Variants in NUAK1 observed in about 807,000 individuals in gnomAD.
NUAK1 encodes the protein NUAK family SNF1-like kinase 1.
Under a neutral mutation model 56.9 loss-of-function variants are expected in NUAK1, and 26 were observed. That is an observed-to-expected ratio of 0.46 (90% CI 0.33 to 0.63). The LOEUF (loss-of-function observed/expected upper bound fraction) is 0.63, where lower values mean the gene tolerates loss of function less well. NUAK1 is among the 30% of genes least tolerant of loss of function. The probability of loss-of-function intolerance (pLI) is 0.02; values close to 1 mark genes in which losing one functional copy is unlikely to be tolerated. For missense variants in NUAK1, 727 were observed against 876.1 expected, an observed-to-expected ratio of 0.83 and a Z score of 2.15; for synonymous variants, 337 against 336.0, an observed-to-expected ratio of 1.00 and a Z score of -0.03.
intron 2 of NUAK1, among the ~76,000 whole-genome samples, chr12:106,105,432 T>C (rs1311909869): frequency 6.6e-6 from 1 of 152,150 alleles, no homozygotes; most frequent in African/African-American, 2.4e-5. Flanking sequence ...CTTAAGTGTT[T>C]GGCAAAAGAA....
intron 2 of NUAK1, among the ~76,000 whole-genome samples, chr12:106,105,010 G>A (rs973773022): frequency 1.3e-5 from 2 of 150,810 alleles, no homozygotes; most frequent in African/African-American, 4.9e-5. Flanking sequence ...CTGGAATGCA[G>A]TGGCACGATC....
chr12:106,131,394 T>C (rs2033078386), intron 1 of NUAK1, among the ~76,000 whole-genome samples: 1 of 152,200 alleles, frequency 6.6e-6, no homozygotes, highest in Non-Finnish European at 1.5e-5. Context: ...GCTGTCTCTA[T>C]GGATTTGTCT....
chr12:106,068,010 T>C, intron 6 of NUAK1, 55 bp from the exon 7 acceptor site: 1 of 1,526,370 alleles, frequency 6.6e-7, no homozygotes, highest in Non-Finnish European at 8.9e-7. Context: ...TCTGGCTTTG[T>C]GATAGTGGGA....
At chr12:106,079,019 T>G (rs2032489692) in intron 4 of NUAK1, among the ~76,000 whole-genome samples, 1 of 152,188 alleles carries the variant, frequency 6.6e-6, no homozygotes, top group Non-Finnish European at 1.5e-5. Context: ...CAAATTTGGA[T>G]AGTAAGAGTA....
intron 4 of NUAK1, among the ~76,000 whole-genome samples, chr12:106,081,794 C>A (rs1203345420): frequency 6.6e-6 from 1 of 152,238 alleles, no homozygotes; most frequent in Non-Finnish European, 1.5e-5. Context: ...TAGAACCCAA[C>A]CCCTAGGCAA....
At chr12:106,127,833 G>A (rs577251152) in intron 1 of NUAK1, among the ~76,000 whole-genome samples, 2 of 152,224 alleles carry the variant, frequency 1.3e-5, no homozygotes, top group South Asian at 4.1e-4. Context: ...TGAAGCAAGT[G>A]TGCTCGACAC....
intron 1 of NUAK1, among the ~76,000 whole-genome samples, chr12:106,108,504 C>T (rs545938617): frequency 1.3e-3 from 202 of 152,124 alleles, no homozygotes; most frequent in African/African-American, 4.6e-3. Flanking sequence ...AACTTCCCTT[C>T]ACTTACGTCA....
chr12:106,127,154 G>C lies in NUAK1; in HGVS notation c.240+11260C>G, dbSNP rs1023884143. Among the ~76,000 whole-genome samples, 26 of 152,066 alleles carry C rather than the reference G, an allele frequency of 1.7e-4. No individual in the cohort carries two copies. In the South Asian group the frequency reaches 2.9e-3, roughly 17 times the overall value. ...GAAAACTGAGAGGTTCTTTGAGGATGAGCATTTTCTTTTTATTTTCTTTTA... is the reference window on the plus strand; with the variant it reads ...GAAAACTGAGAGGTTCTTTGAGGATCAGCATTTTCTTTTTATTTTCTTTTA... On this transcript the variant is annotated intron_variant, in intron 1 of 6. Transcript: ENST00000261402.
chr12:106,109,586 A>C (rs1335025117), intron 1 of NUAK1, among the ~76,000 whole-genome samples: 1 of 151,842 alleles, frequency 6.6e-6, no homozygotes, highest in African/African-American at 2.4e-5. Context: ...AAAATCTCTA[A>C]CGCAGCTCCT....
rs1440281975 is a variant in NUAK1, at chr12:106,070,839, A to C, written c.767T>G (p.Phe256Cys). The change falls in exon 6 of 7, where the codon TTC (phenylalanine) becomes TGC (cysteine). Residue 256 changes from phenylalanine (F) to cysteine (C), a missense_variant. Physicochemically the swap from Phe to Cys is radical, Grantham distance 205 (BLOSUM62 -2). Transcript: ENST00000261402. Reference protein sequence around the residue: ...LVYGTMPFDGFDHKNLIRQIS... With the variant: ...LVYGTMPFDGCDHKNLIRQIS... ...TTGCCGAATGAGGTTTTTGTGATCG[A>C]AACCATCGAAGGGCATTGTTCCATA... 3 of 1,614,086 alleles carry C rather than the reference A, an allele frequency of 1.9e-6. No individual in the cohort carries two copies. The African/African-American group carries it at 4.0e-5, about 22-fold the overall frequency.
intron 2 of NUAK1, among the ~76,000 whole-genome samples, chr12:106,096,887 C>A (rs1239022931): frequency 6.6e-6 from 1 of 152,152 alleles, no homozygotes; most frequent in Non-Finnish European, 1.5e-5. Context: ...GGGGGTGAGA[C>A]CCAGGCATCA....
chr12:106,067,741 C>T lies in NUAK1; in HGVS notation c.1047G>A (p.Met349Ile). Reference protein sequence around the residue: ...TGLQADTEAKMKGLAKPTTSE... With the variant: ...TGLQADTEAKIKGLAKPTTSE... ...AGGTCGTGGGTTTGGCCAGGCCCTT[C>T]ATTTTGGCTTCGGTGTCAGCCTGCA... The change falls in exon 7 of 7, where the codon ATG becomes ATA. Residue 349 changes from methionine to isoleucine, a missense_variant. Coordinates refer to ENST00000261402, the MANE Select transcript of NUAK1 (RefSeq NM_014840.3). This position sits in a 1 kb window ranked among gnomAD's most constrained non-coding sequence, Gnocchi z 6.0. The T allele has an allele frequency of 1.9e-6, 3 of 1,614,200 alleles. No individual in the cohort carries two copies. The highest frequency in any genetic ancestry group is 2.5e-6 in the Non-Finnish European group (3 of 1,180,040).
At chr12:106,081,359 G>A (rs1294139252) in intron 4 of NUAK1, among the ~76,000 whole-genome samples, 1 of 152,216 alleles carries the variant, frequency 6.6e-6, no homozygotes, top group Non-Finnish European at 1.5e-5. Context: ...CTTGAACAAA[G>A]AGGAAAGGAA....
At chr12:106,072,495 T>A (rs1017703356) in intron 5 of NUAK1, among the ~76,000 whole-genome samples, 5 of 152,208 alleles carry the variant, frequency 3.3e-5, no homozygotes, top group African/African-American at 1.2e-4. Flanking sequence ...GATTATCTTT[T>A]CTAGGGGGAT....
Position 106,138,836 on chromosome 12 carries a change from GCCCGCGGCGCGCACGGTCCGCGCACCGC to G in NUAK1, c.-211_-184del, listed in dbSNP as rs2033157011. The G allele has an allele frequency of 9.1e-6, 7 of 769,324 alleles. No homozygotes were observed. The East Asian group carries it at 1.7e-4, about 19-fold the overall frequency. 47.7% of individuals were successfully genotyped at this position (769,324 alleles called of 1,614,324 possible). On this transcript the variant is annotated 5_prime_UTR_variant, in exon 1 of 7. Coordinates refer to ENST00000261402, the MANE Select transcript of NUAK1 (RefSeq NM_014840.3). This position sits in a 1 kb window ranked among gnomAD's most constrained non-coding sequence, Gnocchi z 5.0. ...CGGCGGCGGGGACTGCACATCTGGC[GCCCGCGGCGCGCACGGTCCGCGCACCGC>G]CCCCCGGCCGCGGCGAGCTGTGGAG...
At chr12:106,129,081 A>T (rs1208119430) in intron 1 of NUAK1, among the ~76,000 whole-genome samples, 1 of 152,202 alleles carries the variant, frequency 6.6e-6, no homozygotes, top group Non-Finnish European at 1.5e-5. Context: ...GGCCAGTGTG[A>T]GAGCAGCCTG....
At chr12:106,119,316 AC>A (rs34625158) in intron 1 of NUAK1, among the ~76,000 whole-genome samples, 9,431 of 152,128 alleles carry the variant, frequency 0.062, 332 homozygotes, top group East Asian at 0.12. Context: ...TAACTGAGTG[AC>A]CCCGACCAGC....
intron 2 of NUAK1, among the ~76,000 whole-genome samples, chr12:106,099,676 T>C (rs1361304918): frequency 6.6e-6 from 1 of 152,142 alleles, no homozygotes; most frequent in Non-Finnish European, 1.5e-5. Context: ...TACCATAAAA[T>C]AGGGATCTTA....
At chr12:106,095,954 A>T (rs1386921330) in intron 2 of NUAK1, among the ~76,000 whole-genome samples, 1 of 151,996 alleles carries the variant, frequency 6.6e-6, no homozygotes, top group Admixed American at 6.5e-5. Context: ...AAATTCCCAG[A>T]CTCGGCAGGT....
Sources: gnomAD v4.1 joint callset for allele counts (sites outside exome capture counted in the v4.1 genomes callset) on GRCh38, gnomAD v4.1.1 for gene constraint, Gnocchi (gnomAD v3.1) non-coding constraint, MANE v1.5 for transcripts, NCBI Gene and HGNC (gene_info 2026-07-23, HGNC 2026-07-21) for gene names.